The following NRCAM variants were observed in gnomAD, a reference collection of about 807,000 sequenced individuals.
NRCAM encodes NgCAM-related cell adhesion molecule.
NRCAM carries 83 observed loss-of-function variants against 156.5 expected under a neutral mutation model. The ratio of observed to expected loss-of-function variants is 0.53; its 90% CI spans 0.44 to 0.64. NRCAM has a LOEUF of 0.64. Ranked by LOEUF, NRCAM falls within the 30% of genes least tolerant of loss-of-function variation. NRCAM has a pLI of 0.00. For synonymous variants in NRCAM, 538 were observed against 563.9 expected (o/e 0.95, Z 0.65); for missense variants, 1,417 against 1,597.3 (o/e 0.89, Z 1.92).
chr7:108,196,775 T>C (rs752512619), intron 14 of NRCAM, among the ~76,000 whole-genome samples: 1 of 152,164 alleles, frequency 6.6e-6, no homozygotes, highest in Non-Finnish European at 1.5e-5. Context: ...ACTATAAAGA[T>C]TATTTATACT....
At chr7:108,199,374 G>T (rs944637889) in intron 13 of NRCAM, among the ~76,000 whole-genome samples, 1 of 152,068 alleles carries the variant, frequency 6.6e-6, no homozygotes, top group South Asian at 2.1e-4. Context: ...AGTTTTCCAC[G>T]GTTGCTGTAA....
intron 3 of NRCAM, among the ~76,000 whole-genome samples, chr7:108,299,122 G>GAAAAAAAGAAAA (rs1196699344): frequency 2.8e-5 from 1 of 35,428 alleles, no homozygotes; most frequent in Non-Finnish European, 6.2e-5. Flanking sequence ...AAAAAAGAAA[G>GAAAAAAAGAAAA]AAAGAAAGAA....
At chr7:108,379,243 G>T (rs58809147) in intron 2 of NRCAM, among the ~76,000 whole-genome samples, 3,799 of 152,126 alleles carry the variant, frequency 0.025, 172 homozygotes, top group African/African-American at 0.086. Flanking sequence ...TCTCTGAAAT[G>T]GTTAAAAAAG....
chr7:108,309,991 T>C (rs2154178006), intron 3 of NRCAM, among the ~76,000 whole-genome samples: 1 of 152,350 alleles, frequency 6.6e-6, no homozygotes, highest in South Asian at 2.1e-4. Flanking sequence ...CCAGTTTTAC[T>C]ATTATCTATT....
intron 2 of NRCAM, among the ~76,000 whole-genome samples, chr7:108,340,188 A>G (rs2099259761): frequency 6.6e-6 from 1 of 152,116 alleles, no homozygotes; most frequent in African/African-American, 2.4e-5. Context: ...CCTTCAACCC[A>G]AATGGTCCAA....
intron 24 of NRCAM, among the ~76,000 whole-genome samples, chr7:108,180,729 G>A (rs2062975883): frequency 6.6e-6 from 1 of 152,102 alleles, no homozygotes; most frequent in Non-Finnish European, 1.5e-5. Context: ...GGCAAATGGA[G>A]GACAATAGGA....
chr7:108,184,294 TG>T lies in NRCAM; in HGVS notation c.2250del (p.Thr751GlnfsTer14). On this transcript the variant is annotated frameshift_variant, in exon 22 of 33. Coordinates refer to ENST00000379028, the MANE Select transcript of NRCAM (RefSeq NM_001037132.4). LOFTEE classifies it high-confidence loss of function. ...TCTGATCCCAGTCCTTCCACAGCTGTGGGGTTTTTATCTGGTTCTGGAAGTT... is the reference window on the plus strand; with the variant it reads ...TCTGATCCCAGTCCTTCCACAGCTGTGGGTTTTTATCTGGTTCTGGAAGTT... ...LTKASEPDKNPTAVEGLGSEP... is the reference protein window; with the variant it reads ...LTKASEPDKNXTAVEGLGSEP... 1 of 1,614,160 alleles carries T rather than the reference TG, an allele frequency of 6.2e-7. No individual in the cohort carries two copies. The highest frequency in any genetic ancestry group is 8.5e-7 in the Non-Finnish European group (1 of 1,180,012).
At chr7:108,428,623 TC>T (rs1457260202) in intron 1 of NRCAM, among the ~76,000 whole-genome samples, 1 of 152,182 alleles carries the variant, frequency 6.6e-6, no homozygotes, top group Non-Finnish European at 1.5e-5. Flanking sequence ...AAGGGTCCCT[TC>T]TGTGGGCAAA....
chr7:108,455,555 G>T (rs928457725), intron 1 of NRCAM, among the ~76,000 whole-genome samples: 5 of 152,234 alleles, frequency 3.3e-5, no homozygotes, highest in Middle Eastern at 3.4e-3. Context: ...GGCCGACAAA[G>T]CCCCCGCAAG....
intron 3 of NRCAM, among the ~76,000 whole-genome samples, chr7:108,254,551 C>CTTTTTTTTTTTTTTTT (rs71137620): frequency 2.3e-5 from 3 of 130,332 alleles, no homozygotes; most frequent in African/African-American, 9.3e-5. Context: ...AACAATTTTG[C>CTTTTTTTTTTTTTTTT]TTTTTTTTTT....
intron 3 of NRCAM, among the ~76,000 whole-genome samples, chr7:108,265,320 C>T (rs543652587): frequency 6.6e-6 from 1 of 152,304 alleles, no homozygotes; most frequent in Admixed American, 6.5e-5. Context: ...CTGGTGTCCT[C>T]ACCCTTGACT....
intron 1 of NRCAM, among the ~76,000 whole-genome samples, chr7:108,408,047 G>T (rs1790603075): frequency 1.3e-5 from 2 of 152,004 alleles, no homozygotes; most frequent in Admixed American, 1.3e-4. Context: ...ATTGATAAGG[G>T]AATATTTTTA....
intron 2 of NRCAM, among the ~76,000 whole-genome samples, chr7:108,333,981 A>C (rs2099153339): frequency 6.6e-6 from 1 of 152,158 alleles, no homozygotes; most frequent in Non-Finnish European, 1.5e-5. Context: ...ACAAAGTTGC[A>C]ATCTTAAATT....
At chr7:108,351,294 C>A (rs375261448) in intron 2 of NRCAM, among the ~76,000 whole-genome samples, 2 of 152,160 alleles carry the variant, frequency 1.3e-5, no homozygotes, top group Non-Finnish European at 2.9e-5. Context: ...AGGCTCCAAA[C>A]CTGTAAGTCT....
chr7:108,263,625 C>G (rs115951212), intron 3 of NRCAM, among the ~76,000 whole-genome samples: 2,572 of 152,328 alleles, frequency 0.017, 75 homozygotes, highest in African/African-American at 0.058. Context: ...AACCCTTACC[C>G]CTACCATGAG....
Position 108,152,359 on chromosome 7 carries a change from G to A in NRCAM, c.3678-2212C>T, listed in dbSNP as rs1433619255. On this transcript the variant is annotated intron_variant, in intron 32 of 32. Coordinates refer to ENST00000379028, the MANE Select transcript of NRCAM (RefSeq NM_001037132.4). The stretch of plus-strand genomic sequence containing the variant: ...GAGTAACAAGCAGTATAAATGTCTC[G>A]GGGTGAGGGGAAGCCTGGCAGGTTC... Among the ~76,000 whole-genome samples the A allele has an allele frequency of 2.6e-5, 4 of 152,022 alleles. No individual in the cohort carries two copies. The East Asian group carries it at 7.8e-4, about 30-fold the overall frequency.
chr7:108,309,276 A>C (rs932416982), intron 3 of NRCAM, among the ~76,000 whole-genome samples: 1 of 152,198 alleles, frequency 6.6e-6, no homozygotes, highest in Non-Finnish European at 1.5e-5. Context: ...ATAAGAAAAG[A>C]TTGTTCTAGT....
chr7:108,336,822 C>A (rs2099198554), intron 2 of NRCAM, among the ~76,000 whole-genome samples: 1 of 151,864 alleles, frequency 6.6e-6, no homozygotes, highest in Non-Finnish European at 1.5e-5. Flanking sequence ...AAGTAAATAA[C>A]TACAGTTAAA....
intron 3 of NRCAM, among the ~76,000 whole-genome samples, chr7:108,255,689 C>G (rs2096604584): frequency 6.6e-6 from 1 of 150,918 alleles, no homozygotes; most frequent in Non-Finnish European, 1.5e-5. Flanking sequence ...TGGGGAGCGC[C>G]TCTACCCCGC....
Sources: gnomAD v4.1 joint callset for allele counts (sites outside exome capture counted in the v4.1 genomes callset) on GRCh38, gnomAD v4.1.1 for gene constraint, MANE v1.5 for transcripts, NCBI Gene and HGNC (gene_info 2026-07-23, HGNC 2026-07-21) for gene names.